The following DPP6 variants were observed in gnomAD, a reference collection of about 807,000 sequenced individuals.
The protein encoded by DPP6 is dipeptidyl peptidase like 6.
A neutral mutation model predicts 122.6 loss-of-function variants in DPP6; 69 were observed. That is an observed-to-expected ratio of 0.56 (90% CI 0.46 to 0.69). The LOEUF (loss-of-function observed/expected upper bound fraction) is 0.69, where lower values mean the gene tolerates loss of function less well. Ranked by LOEUF, DPP6 falls within the 30% of genes least tolerant of loss-of-function variation. The probability of loss-of-function intolerance (pLI) is 0.00; values close to 1 mark genes in which losing one functional copy is unlikely to be tolerated. For synonymous variants in DPP6, 418 were observed against 433.1 expected (o/e 0.97, Z 0.43); for missense variants, 928 against 1,116.9 (o/e 0.83, Z 2.41).
At chr7:154,530,006 G>A (rs1827711310) in intron 3 of DPP6, among the ~76,000 whole-genome samples, 1 of 151,942 alleles carries the variant, frequency 6.6e-6, no homozygotes, top group Admixed American at 6.6e-5. Context: ...CATATCTGTG[G>A]TCCCAGCTAC....
intron 1 of DPP6, among the ~76,000 whole-genome samples, chr7:153,990,492 C>G (rs112614906): frequency 7.0e-6 from 1 of 142,362 alleles, no homozygotes; most frequent in South Asian, 2.3e-4. Context: ...AGGCATTCAG[C>G]GTGGATGTGG....
intron 5 of DPP6, among the ~76,000 whole-genome samples, chr7:154,619,539 G>A (rs1834499445): frequency 6.6e-6 from 1 of 152,168 alleles, no homozygotes; most frequent in South Asian, 2.1e-4. Flanking sequence ...CACAGCCAGG[G>A]AGGCTAGTGT....
intron 7 of DPP6, among the ~76,000 whole-genome samples, chr7:154,711,893 C>T (rs1841202695): frequency 6.6e-6 from 1 of 150,948 alleles, no homozygotes; most frequent in Non-Finnish European, 1.5e-5. Flanking sequence ...TTGTAATTTA[C>T]TTTGAATTGG....
intron 6 of DPP6, among the ~76,000 whole-genome samples, chr7:154,641,863 A>G (rs1036931010): frequency 1.3e-5 from 2 of 152,008 alleles, no homozygotes; most frequent in Middle Eastern, 3.2e-3. Flanking sequence ...GTTCAAAGGC[A>G]TTTTTTTACG....
At chr7:153,944,586 G>A (rs1801852234) in intron 1 of DPP6, among the ~76,000 whole-genome samples, 1 of 152,014 alleles carries the variant, frequency 6.6e-6, no homozygotes, top group African/African-American at 2.4e-5. Context: ...GGAGGCGGGT[G>A]TGGTGGGAGG....
At chr7:154,673,142 CA>C (rs1838673936) in intron 7 of DPP6, among the ~76,000 whole-genome samples, 1 of 152,166 alleles carries the variant, frequency 6.6e-6, no homozygotes, top group African/African-American at 2.4e-5. Flanking sequence ...TAAGTGATGC[CA>C]AGCAACACAC....
chr7:154,030,269 T>C (rs1799161596), intron 1 of DPP6, among the ~76,000 whole-genome samples: 1 of 152,208 alleles, frequency 6.6e-6, no homozygotes, highest in African/African-American at 2.4e-5. Context: ...TCTGAAATGT[T>C]ATAGACATCT....
At chr7:154,147,516 C>T (rs1796164790) in intron 1 of DPP6, among the ~76,000 whole-genome samples, 1 of 151,036 alleles carries the variant, frequency 6.6e-6, no homozygotes, top group Non-Finnish European at 1.5e-5. Flanking sequence ...GAGTCTTACT[C>T]TCGCTCAGAC....
the DPP6 span, among the ~76,000 whole-genome samples, chr7:153,767,956 G>T: frequency 1.3e-5 from 2 of 152,094 alleles, no homozygotes; most frequent in African/African-American, 4.8e-5. Context: ...AGACAAGCAT[G>T]AGGTCTTTTA....
intron 1 of DPP6, among the ~76,000 whole-genome samples, chr7:154,121,325 C>G (rs568333717): frequency 5.1e-4 from 78 of 152,156 alleles, no homozygotes; most frequent in African/African-American, 1.9e-3. Context: ...GTTTAGCTTG[C>G]TCTTCTTTTG....
chr7:154,176,554 C>G (rs1287920077), intron 1 of DPP6, among the ~76,000 whole-genome samples: 1 of 152,236 alleles, frequency 6.6e-6, no homozygotes, highest in Non-Finnish European at 1.5e-5. Context: ...TGTGTTTTCA[C>G]TATATGTGTC....
intron 7 of DPP6, among the ~76,000 whole-genome samples, chr7:154,707,148 G>T (rs1325707721): frequency 6.6e-6 from 1 of 152,226 alleles, no homozygotes; most frequent in Non-Finnish European, 1.5e-5. Context: ...GGAACTACAA[G>T]AATCCTGTGA....
intron 7 of DPP6, among the ~76,000 whole-genome samples, chr7:154,723,086 C>G (rs1178898358): frequency 2.6e-5 from 4 of 151,982 alleles, no homozygotes; most frequent in African/African-American, 7.3e-5. Flanking sequence ...CATGGCAAAA[C>G]CCCATCTACA....
chr7:154,830,408 G>A (rs1039552354), intron 16 of DPP6, among the ~76,000 whole-genome samples: 13 of 152,200 alleles, frequency 8.5e-5, no homozygotes, highest in African/African-American at 1.9e-4. Flanking sequence ...ACAAAGAAGC[G>A]CTTGAAGGAA....
rs191393859 is a variant in DPP6, at chr7:154,893,286, A to G, written c.*806A>G. 287 of 247,254 alleles carry G rather than the reference A, an allele frequency of 1.2e-3. 2 individuals are homozygous for G. Among genetic ancestry groups the G allele is most frequent in the African/African-American group, 6.0e-3 (265 of 43,898 alleles). The allele number at this position is 247,254 out of a possible 1,614,324, so 15.3% of individuals were successfully genotyped here. On this transcript the variant is annotated 3_prime_UTR_variant, in exon 26 of 26. Coordinates refer to ENST00000377770, the MANE Select transcript of DPP6 (RefSeq NM_130797.4). ...GGACGTTCCTAAACACTGAGGGGGA[A>G]GACAGCCAATAGCACCCATTAAAAG...
At chr7:153,927,817 A>G (rs1412141871) in intron 1 of DPP6, among the ~76,000 whole-genome samples, 2 of 152,152 alleles carry the variant, frequency 1.3e-5, no homozygotes, top group Non-Finnish European at 2.9e-5. Flanking sequence ...GCTTTCAGGT[A>G]AGGCATGGAT....
intron 5 of DPP6, among the ~76,000 whole-genome samples, chr7:154,621,614 A>C (rs902348136): frequency 6.6e-6 from 1 of 152,124 alleles, no homozygotes; most frequent in Non-Finnish European, 1.5e-5. Context: ...TGATCCGCCC[A>C]CCTTGGCCTC....
At chr7:153,841,120 G>A in the DPP6 span, among the ~76,000 whole-genome samples, 11 of 152,276 alleles carry the variant, frequency 7.2e-5, no homozygotes, top group South Asian at 2.1e-4. Flanking sequence ...CAGTCATTGC[G>A]TCACCAATAC....
intron 11 of DPP6, 46 bp downstream of exon 11, chr7:154,794,248 T>G: frequency 6.5e-7 from 1 of 1,532,650 alleles, no homozygotes. Context: ...GAAGAACCGA[T>G]GGTCAGACGC....
Sources: gnomAD v4.1 joint callset for allele counts (sites outside exome capture counted in the v4.1 genomes callset) on GRCh38, gnomAD v4.1.1 for gene constraint, MANE v1.5 for transcripts, NCBI Gene and HGNC (gene_info 2026-07-23, HGNC 2026-07-21) for gene names.